BCL9: variants seen among roughly 807,000 people sequenced by gnomAD.
BCL9 encodes the protein BCL9 transcription coactivator.
In BCL9, 25 loss-of-function variants were observed where a neutral mutation model predicts 88.5. That is an observed-to-expected ratio of 0.28 (90% CI 0.21 to 0.39). BCL9 has a LOEUF of 0.39. BCL9 is among the 10% of genes least tolerant of loss of function. The pLI, the probability that BCL9 is intolerant of heterozygous loss-of-function variation, is 1.00. For missense variants in BCL9, 1,817 were observed against 1,877.8 expected (o/e 0.97, Z 0.60); for synonymous variants, 711 against 673.3 (o/e 1.06, Z -0.87).
chr1:147,609,110 A>G (rs188967334), intron 3 of BCL9, among the ~76,000 whole-genome samples: 16 of 152,322 alleles, frequency 1.1e-4, no homozygotes, highest in African/African-American at 3.8e-4. Context: ...AACATTGTAT[A>G]AGTAGATCTA....
intron 1 of BCL9, among the ~76,000 whole-genome samples, chr1:147,592,254 C>T (rs1202693232): frequency 6.6e-6 from 1 of 152,196 alleles, no homozygotes; most frequent in South Asian, 2.1e-4. Context: ...CCTGTCTTTA[C>T]TGGCACAGAT....
Position 147,624,278 on chromosome 1 carries a change from T to G in BCL9, c.3600T>G (p.Gly1200=). Residue 1200 remains glycine (G), a synonymous_variant, in exon 10 of 10, where the codon GGT becomes GGG. Transcript: ENST00000234739. This position sits in a 1 kb window ranked among gnomAD's most constrained non-coding sequence, Gnocchi z 4.4. ...TTTGCAAGCCTGGAGGCCCCGGGGG[T>G]CCTGACTCCTTCACTGTCCTGGGGA... is the stretch of plus-strand genomic sequence containing the variant. ...AALCKPGGPG[G]PDSFTVLGNS... is the part of the protein sequence containing the mutation. The G allele has an allele frequency of 1.2e-6, 2 of 1,613,794 alleles. No individual in the cohort carries two copies. Among genetic ancestry groups the G allele is most frequent in the Non-Finnish European group, 1.7e-6 (2 of 1,179,914 alleles).
intron 1 of BCL9, among the ~76,000 whole-genome samples, chr1:147,546,145 G>C (rs1012205651): frequency 6.6e-6 from 1 of 152,038 alleles, no homozygotes; most frequent in Non-Finnish European, 1.5e-5. Context: ...GACCATCCTG[G>C]CTAAAACGGT....
At position 147,620,476 on chromosome 1, in the gene BCL9, A is replaced by G. The variant is rs1658562061; in HGVS notation, c.2321A>G (p.Gln774Arg). 6.2e-7 allele frequency: 1 copy of G among 1,613,976 alleles called. No homozygotes were observed. The highest frequency in any genetic ancestry group is 1.3e-5 in the African/African-American group (1 of 74,908). Residue 774 changes from glutamine (Q) to arginine (R), a missense_variant, in exon 8 of 10, where the codon CAG becomes CGG. Around this residue, in one of 2 missense-constraint regions of BCL9, gnomAD observed 1,228 missense variants for 1,191.6 expected, o/e 1.03. Coordinates refer to ENST00000234739, the MANE Select transcript of BCL9 (RefSeq NM_004326.4). ...MVPLPFGEHP[Q>R]QEYGMGPRPF... ...CCACTGCCATTTGGTGAGCACCCCC[A>G]GCAGGAGTATGGCATGGGCCCCAGA...
At chr1:147,591,947 G>A (rs1164114264) in intron 1 of BCL9, among the ~76,000 whole-genome samples, 13 of 152,184 alleles carry the variant, frequency 8.5e-5, no homozygotes, top group African/African-American at 3.1e-4. Flanking sequence ...GGTTCTGGAG[G>A]AGGGGTATTT....
chr1:147,621,174 AAATGGCCATATT>A, intron 8 of BCL9, 117 bp downstream of exon 8: 1 of 1,170,178 alleles, frequency 8.5e-7, no homozygotes, highest in Non-Finnish European at 1.2e-6. Flanking sequence ...GTCTTTGTTG[AAATGGCCATATT>A]TGTGGCAAGG....
At chr1:147,601,217 G>A (rs1657372410) in intron 1 of BCL9, among the ~76,000 whole-genome samples, 1 of 152,096 alleles carries the variant, frequency 6.6e-6, no homozygotes, top group African/African-American at 2.4e-5. Flanking sequence ...GAGTCCAGCT[G>A]GGGACTAATA....
intron 1 of BCL9, among the ~76,000 whole-genome samples, chr1:147,543,683 A>T (rs1452479507): frequency 6.6e-6 from 1 of 152,192 alleles, no homozygotes; most frequent in East Asian, 1.9e-4. Context: ...ACTGCAAGGA[A>T]AAAGAAGTGT....
In BCL9 at chr1:147,624,155, T is replaced by G; in HGVS notation, c.3477T>G (p.Ser1159Arg). ...TTCCATTCCCTCACAATGGCCCCAGTGGGGGGCAGGGCAGCTTCCCAGGAG... is the reference window on the plus strand; with the variant it reads ...TTCCATTCCCTCACAATGGCCCCAGGGGGGGGCAGGGCAGCTTCCCAGGAG... ...QQVPFPHNGP[S>R]GGQGSFPGGM... Residue 1159 changes from serine (S) to arginine (R), a missense_variant, in exon 10 of 10, where the codon AGT becomes AGG. Around this residue, in one of 2 missense-constraint regions of BCL9, gnomAD observed 589 missense variants for 686.2 expected, o/e 0.86. Coordinates refer to ENST00000234739, the MANE Select transcript of BCL9 (RefSeq NM_004326.4). The surrounding 1 kb of genome is among the most constrained non-coding windows in gnomAD (Gnocchi z 4.4). The G allele has an allele frequency of 1.5e-5, 24 of 1,596,692 alleles. No individual in the cohort carries two copies. The highest frequency in any genetic ancestry group is 2.1e-5 in the Non-Finnish European group (24 of 1,170,022).
chr1:147,611,887 G>C lies in BCL9; in HGVS notation c.51G>C (p.Gln17His). 1 of 1,614,098 alleles carries C rather than the reference G, an allele frequency of 6.2e-7. No individual in the cohort carries two copies. Among genetic ancestry groups the C allele is most frequent in the Non-Finnish European group, 8.5e-7 (1 of 1,179,944 alleles). The stretch of plus-strand genomic sequence containing the variant: ...GGAGCTCTCCATCAGGAAACACACA[G>C]AGGTAAGGGCTGGGCTGGGGCCTCT... ...KVRSSPSGNT[Q>H]SSPKSKQEVM... The change falls in exon 4 of 10, where the codon CAG (glutamine) becomes CAC (histidine). Residue 17 changes from glutamine (Q) to histidine (H), a missense_variant and splice_region_variant. This residue lies in a region of BCL9 where 1,228 missense variants were observed against 1,191.6 expected (regional missense o/e 1.03). Coordinates refer to ENST00000234739, the MANE Select transcript of BCL9 (RefSeq NM_004326.4).
intron 1 of BCL9, among the ~76,000 whole-genome samples, chr1:147,584,962 A>G (rs1344450237): frequency 6.6e-6 from 1 of 152,146 alleles, no homozygotes; most frequent in Non-Finnish European, 1.5e-5. Flanking sequence ...CAACCGGCAT[A>G]AAAAGAGCAA....
chr1:147,585,543 T>A (rs929113554), intron 1 of BCL9, among the ~76,000 whole-genome samples: 6 of 152,290 alleles, frequency 3.9e-5, no homozygotes, highest in Middle Eastern at 3.4e-3. Context: ...CATGGAGGTA[T>A]TAGGGTCATT....
At chr1:147,559,173 T>TTC (rs1655256978) in intron 1 of BCL9, among the ~76,000 whole-genome samples, 1 of 150,362 alleles carries the variant, frequency 6.7e-6, no homozygotes, top group African/African-American at 2.4e-5. Flanking sequence ...TACTTTTTTT[T>TTC]CTTCTTTACC....
rs1421116049 is a variant in BCL9 at position 147,614,505 on chromosome 1, C to A, written c.449C>A (p.Ala150Asp). The change falls in exon 6 of 10, where the codon GCC (alanine) becomes GAC (aspartate). Residue 150 changes from alanine to aspartate, a missense_variant. Transcript: ENST00000234739. ...TCGATGACCCCATCAAATGCTACAGCCCCCAGGTCTTCTACCCCCTCCCAT... is the reference window on the plus strand; with the variant it reads ...TCGATGACCCCATCAAATGCTACAGACCCCAGGTCTTCTACCCCCTCCCAT... ...PHSMTPSNAT[A>D]PRSSTPSHGQ... The A allele has an allele frequency of 1.2e-5, 19 of 1,613,932 alleles. No individual in the cohort carries two copies. Among genetic ancestry groups the A allele is most frequent in the Non-Finnish European group, 1.6e-5 (19 of 1,179,870 alleles).
At position 147,625,626 on chromosome 1, in the gene BCL9, C is replaced by CTT. The variant is rs1374537792; in HGVS notation, c.*668_*669dup. 2 of 229,246 alleles carry CTT rather than the reference C, an allele frequency of 8.7e-6. No individual in the cohort carries two copies. Among genetic ancestry groups the CTT allele is most frequent in the Non-Finnish European group, 1.7e-5 (2 of 115,530 alleles). The allele number at this position is 229,246 out of a possible 1,614,324, so 14.2% of individuals were successfully genotyped here. On this transcript the variant is annotated 3_prime_UTR_variant, in exon 10 of 10. Coordinates refer to ENST00000234739, the MANE Select transcript of BCL9 (RefSeq NM_004326.4). ...ATTTTTCTTTTGAAAAATAATGACT[C>CTT]TTAGGACATTTGTTTTTCAGTTCAA...
At chr1:147,552,169 T>C (rs782255621) in intron 1 of BCL9, among the ~76,000 whole-genome samples, 2 of 152,078 alleles carry the variant, frequency 1.3e-5, no homozygotes, top group Non-Finnish European at 2.9e-5. Flanking sequence ...GTGGAAGGAA[T>C]TGGGGAACAC....
chr1:147,624,979 C>A lies in BCL9; in HGVS notation c.*20C>A. ...TTTTAAGCTGCTAAGATGGGATGTG[C>A]CGATCCTTGTCAAGATGAGATTCCA... On this transcript the variant is annotated 3_prime_UTR_variant, in exon 10 of 10. Coordinates refer to ENST00000234739, the MANE Select transcript of BCL9 (RefSeq NM_004326.4). The surrounding 1 kb of genome is among the most constrained non-coding windows in gnomAD (Gnocchi z 4.4). 1 of 1,589,192 alleles carries A rather than the reference C, an allele frequency of 6.3e-7. No homozygotes were observed. The highest frequency in any genetic ancestry group is 1.7e-5 in the Admixed American group (1 of 59,142).
At chr1:147,553,365 CA>C (rs1654976938) in intron 1 of BCL9, among the ~76,000 whole-genome samples, 2 of 152,174 alleles carry the variant, frequency 1.3e-5, no homozygotes, top group African/African-American at 4.8e-5. Flanking sequence ...GCTCAAATGT[CA>C]CATTCTGCAC....
chr1:147,622,614 C>T, intron 9 of BCL9, 83 bp downstream of exon 9: 1 of 1,519,788 alleles, frequency 6.6e-7, no homozygotes, highest in Non-Finnish European at 8.9e-7. Context: ...TGGCTATACA[C>T]CTGAATAGGT....
Sources: allele counts gnomAD v4.1 joint callset (sites outside exome capture counted in the v4.1 genomes callset), GRCh38; gene constraint gnomAD v4.1.1; regional missense constraint gnomAD v4.1.1; non-coding constraint Gnocchi (gnomAD v3.1); transcripts MANE v1.5; gene names NCBI Gene and HGNC (gene_info 2026-07-23, HGNC 2026-07-21).